TAFA5: variants seen among roughly 807,000 people sequenced by gnomAD.
TAFA5 encodes chemokine-like protein TAFA-5.
In TAFA5, 6 loss-of-function variants were observed where a neutral mutation model predicts 15.3. The observed-to-expected ratio is 0.39, with a 90% CI of 0.21 to 0.77. The LOEUF (loss-of-function observed/expected upper bound fraction) is 0.77, where lower values mean the gene tolerates loss of function less well. Among genes scored for constraint, TAFA5 ranks in the 30% least tolerant of loss-of-function variants. The pLI is 0.41. For synonymous variants in TAFA5, 103 were observed against 80.7 expected (o/e 1.28, Z -1.48); for missense variants, 161 against 193.1 (o/e 0.83, Z 0.98).
chr22:48,650,206 C>T (rs530364258), intron 2 of TAFA5, among the ~76,000 whole-genome samples: 8 of 152,286 alleles, frequency 5.3e-5, no homozygotes, highest in South Asian at 4.1e-4. Context: ...GGGTTGAAAT[C>T]GGGGAGGCAC....
intron 1 of TAFA5, among the ~76,000 whole-genome samples, chr22:48,618,277 C>G (rs760947138): frequency 3.3e-5 from 5 of 152,204 alleles, no homozygotes; most frequent in Admixed American, 6.5e-5. Flanking sequence ...CCCAGGCTCT[C>G]CTGCCTCCCC....
intron 2 of TAFA5, among the ~76,000 whole-genome samples, chr22:48,689,969 G>A (rs1018203599): frequency 4.6e-5 from 7 of 152,108 alleles, no homozygotes; most frequent in African/African-American, 9.7e-5. Context: ...CCTGTACACC[G>A]CTCTGCCTTG....
chr22:48,497,247 G>T (rs978880088), intron 1 of TAFA5, among the ~76,000 whole-genome samples: 8 of 152,226 alleles, frequency 5.3e-5, no homozygotes, highest in Non-Finnish European at 1.5e-5. Flanking sequence ...CTTGCCCTGG[G>T]TGGAGGGAGG....
At chr22:48,627,543 G>T (rs1001258314) in intron 1 of TAFA5, among the ~76,000 whole-genome samples, 5 of 152,256 alleles carry the variant, frequency 3.3e-5, no homozygotes, top group Admixed American at 2.0e-4. Context: ...GTTCCATCCC[G>T]CTGTGCTTGG....
chr22:48,598,534 G>A lies in TAFA5; in HGVS notation c.113-48063G>A, dbSNP rs1425409029. On this transcript the variant is annotated intron_variant, in intron 1 of 3. Transcript: ENST00000402357. The surrounding 1 kb of genome is among the most constrained non-coding windows in gnomAD (Gnocchi z 4.0). ...CCATTTCGTGGGCCCAGCAGTGGCT[G>A]CATCTTAGGCAGTTGTGTGAGATGA... 1.3e-5 allele frequency among the ~76,000 whole-genome samples: 2 copies of A among 152,146 alleles called. No homozygotes were observed. Among genetic ancestry groups the A allele is most frequent in the East Asian group, 1.9e-4 (1 of 5,178 alleles).
chr22:48,533,391 G>C (rs961551707), intron 1 of TAFA5, among the ~76,000 whole-genome samples: 1 of 152,202 alleles, frequency 6.6e-6, no homozygotes, highest in African/African-American at 2.4e-5. Flanking sequence ...GAGGTGGCAG[G>C]GGTGGCACAG....
At chr22:48,690,832 T>C (rs1383413716) in intron 2 of TAFA5, among the ~76,000 whole-genome samples, 1 of 151,826 alleles carries the variant, frequency 6.6e-6, no homozygotes, top group Non-Finnish European at 1.5e-5. Context: ...CAGCCCAGGC[T>C]TGGGGGGCCG....
chr22:48,554,175 T>C (rs763785108), intron 1 of TAFA5, among the ~76,000 whole-genome samples: 1 of 152,122 alleles, frequency 6.6e-6, no homozygotes, highest in Non-Finnish European at 1.5e-5. Flanking sequence ...CTGAAAGGGC[T>C]CCCGGCAAAA....
intron 1 of TAFA5, among the ~76,000 whole-genome samples, chr22:48,618,052 C>T (rs1337581299): frequency 2.0e-5 from 3 of 152,168 alleles, no homozygotes; most frequent in East Asian, 1.9e-4. Context: ...GTAAGTGTGG[C>T]GCCAGGCTCT....
intron 1 of TAFA5, among the ~76,000 whole-genome samples, chr22:48,501,788 T>A (rs1415265242): frequency 6.6e-6 from 1 of 152,210 alleles, no homozygotes; most frequent in Non-Finnish European, 1.5e-5. Context: ...GTGGCCGCTC[T>A]TCTCAGCCCC....
chr22:48,623,960 C>G (rs760697294), intron 1 of TAFA5, among the ~76,000 whole-genome samples: 1 of 152,210 alleles, frequency 6.6e-6, no homozygotes. Flanking sequence ...GGCTTGTCAT[C>G]TTCAGCTGAA....
intron 2 of TAFA5, among the ~76,000 whole-genome samples, chr22:48,698,668 G>A (rs1569084334): frequency 6.6e-6 from 1 of 151,772 alleles, no homozygotes; most frequent in Non-Finnish European, 1.5e-5. Context: ...GCAAGGATGA[G>A]TATGTAGATT....
intron 1 of TAFA5, among the ~76,000 whole-genome samples, chr22:48,575,215 G>A (rs112404463): frequency 0.03 from 4,559 of 152,220 alleles, 176 homozygotes; most frequent in African/African-American, 0.095. Flanking sequence ...CGCCAGCAGG[G>A]CCGGCTCTGC....
intron 1 of TAFA5, among the ~76,000 whole-genome samples, chr22:48,499,276 G>T (rs931649553): frequency 6.6e-6 from 1 of 152,174 alleles, no homozygotes; most frequent in East Asian, 1.9e-4. Flanking sequence ...CTCCCGCACC[G>T]ACGGCGGCGC....
At chr22:48,572,036 T>C (rs565807468) in intron 1 of TAFA5, among the ~76,000 whole-genome samples, 1 of 152,324 alleles carries the variant, frequency 6.6e-6, no homozygotes, top group African/African-American at 2.4e-5. Flanking sequence ...TTTTCTCTTA[T>C]TGATACCATA....
intron 1 of TAFA5, among the ~76,000 whole-genome samples, chr22:48,603,776 C>T (rs1294256762): frequency 4.6e-5 from 7 of 152,154 alleles, no homozygotes; most frequent in Admixed American, 3.3e-4. Context: ...GCACTGCTCC[C>T]GCCTGCAGTC....
chr22:48,741,803 G>T (rs1271667080), intron 3 of TAFA5, among the ~76,000 whole-genome samples: 2 of 152,208 alleles, frequency 1.3e-5, no homozygotes, highest in Non-Finnish European at 2.9e-5. Flanking sequence ...CTTTGTTCAA[G>T]CCATCCAGTC....
In TAFA5 at chr22:48,632,841, G is replaced by A. The variant is rs990788902; in HGVS notation, c.113-13756G>A. Among the ~76,000 whole-genome samples, 6 of 152,196 alleles carry A rather than the reference G, an allele frequency of 3.9e-5. No individual in the cohort carries two copies. In the South Asian group the frequency reaches 1.2e-3, roughly 31 times the overall value. On this transcript the variant is annotated intron_variant, in intron 1 of 3. Coordinates refer to ENST00000402357, the MANE Select transcript of TAFA5 (RefSeq NM_001082967.3). Reference sequence around the variant, plus strand: ...GGAGTCTCTGCAGCCCCAGGCGGAGGCTGGGCTGGAGTGAGGTCACTGCTT... The same window carrying A: ...GGAGTCTCTGCAGCCCCAGGCGGAGACTGGGCTGGAGTGAGGTCACTGCTT...
intron 1 of TAFA5, among the ~76,000 whole-genome samples, chr22:48,507,710 G>A (rs1163125927): frequency 1.3e-5 from 2 of 152,146 alleles, no homozygotes; most frequent in Non-Finnish European, 2.9e-5. Flanking sequence ...GAGGGAGAGC[G>A]GGCTGGAAAC....
Sources: gnomAD v4.1 joint callset for allele counts (sites outside exome capture counted in the v4.1 genomes callset) on GRCh38, gnomAD v4.1.1 for gene constraint, Gnocchi (gnomAD v3.1) non-coding constraint, MANE v1.5 for transcripts, NCBI Gene and HGNC (gene_info 2026-07-23, HGNC 2026-07-21) for gene names.